Variants in INSC observed in about 807,000 individuals in gnomAD.
INSC encodes the protein INSC spindle orientation adaptor protein.
Under a neutral mutation model 58.6 loss-of-function variants are expected in INSC, and 67 were observed. That is an observed-to-expected ratio of 1.14 (90% CI 0.94 to 1.40). INSC has a LOEUF of 1.40. Ranked by LOEUF, INSC falls within the 40% of genes most tolerant of loss-of-function variation. INSC has a pLI of 0.00. For synonymous variants in INSC, 262 were observed against 276.1 expected (o/e 0.95, Z 0.51); for missense variants, 714 against 692.0 (o/e 1.03, Z -0.36).
chr11:15,225,638 T>C lies in INSC; in HGVS notation c.992-12T>C. On this transcript the variant is annotated splice_polypyrimidine_tract_variant and intron_variant, in intron 8 of 12. Transcript: ENST00000379556. ...TGGCACGGAAGTTATTTTCTTTCTCTTTGCCATCCAGAACTGTGCCAAGAG... is the reference window on the plus strand; with the variant it reads ...TGGCACGGAAGTTATTTTCTTTCTCCTTGCCATCCAGAACTGTGCCAAGAG... The C allele has an allele frequency of 6.2e-7, 1 of 1,606,962 alleles. No homozygotes were observed. The highest frequency in any genetic ancestry group is 8.5e-7 in the Non-Finnish European group (1 of 1,176,162).
At chr11:15,203,568 A>G (rs1005939747) in intron 7 of INSC, among the ~76,000 whole-genome samples, 3 of 152,238 alleles carry the variant, frequency 2.0e-5, no homozygotes, top group Admixed American at 6.5e-5. Flanking sequence ...ATGGATGAAA[A>G]TACTGACGTC....
chr11:15,122,873 T>C lies in INSC; in HGVS notation c.-46+7870T>C, dbSNP rs1258904712. On this transcript the variant is annotated intron_variant, in intron 1 of 12. Transcript: ENST00000379556. ...ATTTCAAAACACAACTCTGTTCATA[T>C]CATTTTCTTCCTTAAAAGTACATTA... Among the ~76,000 whole-genome samples the C allele has an allele frequency of 4.6e-5, 7 of 152,296 alleles. No individual in the cohort carries two copies. The East Asian group carries it at 9.6e-4, about 21-fold the overall frequency.
chr11:15,228,349 G>GGGTAGGGAGAGAATGTGGTTGC, intron 9 of INSC, among the ~76,000 whole-genome samples: 1 of 152,334 alleles, frequency 6.6e-6, no homozygotes, highest in Admixed American at 6.5e-5. Flanking sequence ...AAGGAGATCA[G>GGGTAGGGAGAGAATGTGGTTGC]GGTAGGGAGA....
chr11:15,240,525 T>C lies in INSC; in HGVS notation c.1470+2T>C. 6.2e-7 allele frequency: 1 copy of C among 1,612,408 alleles called. No homozygotes were observed. Among genetic ancestry groups the C allele is most frequent in the Non-Finnish European group, 8.5e-7 (1 of 1,179,202 alleles). The stretch of plus-strand genomic sequence containing the variant: ...GACGCCGTGCTTGTGGCCTGCCTGG[T>C]GAGTTCTCAGTCTTCCCCCAGCTTT... On this transcript the variant is annotated splice_donor_variant, in intron 12 of 12. Coordinates refer to ENST00000379556, the MANE Select transcript of INSC (RefSeq NM_001042536.3). LOFTEE classifies it high-confidence loss of function.
At chr11:15,258,828 C>A in the INSC span, among the ~76,000 whole-genome samples, 2 of 152,132 alleles carry the variant, frequency 1.3e-5, no homozygotes, top group Non-Finnish European at 2.9e-5. Flanking sequence ...TAGCATAATA[C>A]AACCATGACA....
chr11:15,243,925 G>A (rs1001442054), intron 12 of INSC, among the ~76,000 whole-genome samples: 3 of 141,714 alleles, frequency 2.1e-5, no homozygotes, highest in Non-Finnish European at 4.6e-5. Flanking sequence ...TTTTATACTT[G>A]GTCTTTTTTC....
At chr11:15,116,506 T>A (rs1264184352) in intron 1 of INSC, among the ~76,000 whole-genome samples, 1 of 152,182 alleles carries the variant, frequency 6.6e-6, no homozygotes, top group Non-Finnish European at 1.5e-5. Flanking sequence ...CTCCCCCTGG[T>A]GACCACTGGG....
intron 2 of INSC, among the ~76,000 whole-genome samples, chr11:15,169,206 T>A (rs1461853105): frequency 6.6e-6 from 1 of 151,596 alleles, no homozygotes; most frequent in East Asian, 2.0e-4. Flanking sequence ...GGGTTCCCGA[T>A]GTAGCTAGGC....
intron 7 of INSC, among the ~76,000 whole-genome samples, chr11:15,201,902 C>T (rs1178403221): frequency 6.6e-6 from 1 of 152,138 alleles, no homozygotes; most frequent in African/African-American, 2.4e-5. Flanking sequence ...GTCCTGGCAG[C>T]CCAAATAACT....
intron 5 of INSC, among the ~76,000 whole-genome samples, chr11:15,182,888 T>A (rs1406231824): frequency 1.3e-5 from 2 of 152,208 alleles, no homozygotes; most frequent in Non-Finnish European, 2.9e-5. Flanking sequence ...ATACTCTTCA[T>A]CCATCCCAAA....
the INSC span, among the ~76,000 whole-genome samples, chr11:15,262,655 AACACACACACAC>A: frequency 2.7e-5 from 4 of 146,780 alleles, no homozygotes; most frequent in East Asian, 2.1e-4. Flanking sequence ...CTGGGTGATA[AACACACACACAC>A]ACACACACAC....
chr11:15,177,534 T>TA (rs1438122156), intron 4 of INSC, among the ~76,000 whole-genome samples: 1 of 152,102 alleles, frequency 6.6e-6, no homozygotes, highest in Non-Finnish European at 1.5e-5. Flanking sequence ...CACATACACA[T>TA]AGACTTCAAT....
intron 1 of INSC, among the ~76,000 whole-genome samples, chr11:15,138,629 TG>T (rs1848300541): frequency 6.6e-6 from 1 of 152,234 alleles, no homozygotes; most frequent in Non-Finnish European, 1.5e-5. Flanking sequence ...ATCTGAAGTC[TG>T]GATAGGAAAT....
chr11:15,129,618 A>G (rs1161703768), intron 1 of INSC, among the ~76,000 whole-genome samples: 2 of 152,190 alleles, frequency 1.3e-5, no homozygotes, highest in Non-Finnish European at 2.9e-5. Flanking sequence ...GTTCATTTCT[A>G]TGGCCCTCAC....
intron 4 of INSC, 62 bp from the exon 5 acceptor site, chr11:15,178,262 A>G (rs1217171169): frequency 3.4e-5 from 54 of 1,600,654 alleles, no homozygotes; most frequent in Non-Finnish European, 4.1e-5. Context: ...TGGCCCGTGC[A>G]ACATTTCTGG....
At chr11:15,248,534 G>A (rs934855505), downstream of INSC, among the ~76,000 whole-genome samples, 9 of 152,176 alleles carry the variant, frequency 5.9e-5, no homozygotes, top group Non-Finnish European at 1.0e-4. Flanking sequence ...ATTTTATGGT[G>A]AGGAAACTGA....
rs376168190 is a variant in INSC at position 15,165,999 on chromosome 11, C to A, written c.57-9742C>A. On this transcript the variant is annotated intron_variant, in intron 2 of 12. Transcript: ENST00000379556. ...CTTTCTTATGTCTGTCTCTTCTGCT[C>A]GACTATGTAAGCTTCCTGGGGGCAG... 7.2e-5 allele frequency among the ~76,000 whole-genome samples: 11 copies of A among 152,172 alleles called. No homozygotes were observed. In the East Asian group the frequency reaches 7.7e-4, roughly 11 times the overall value.
At position 15,191,844 on chromosome 11, in the gene INSC, T is replaced by C. The variant is rs186295084; in HGVS notation, c.693+1030T>C. Among the ~76,000 whole-genome samples the C allele has an allele frequency of 4.6e-5, 7 of 152,316 alleles. No individual in the cohort carries two copies. In the East Asian group the frequency reaches 1.2e-3, roughly 25 times the overall value. On this transcript the variant is annotated intron_variant, in intron 6 of 12. Transcript: ENST00000379556. ...GAACCTCAGCATCTGCCTATGATCC[T>C]TGGAAAAGCAGGAGGAGAATCTGGG...
the INSC span, among the ~76,000 whole-genome samples, chr11:15,267,698 T>C: frequency 3.3e-5 from 5 of 152,108 alleles, no homozygotes; most frequent in African/African-American, 1.2e-4. Flanking sequence ...ATTTTAATAT[T>C]GTTCTATGCT....
Sources: allele counts gnomAD v4.1 joint callset (sites outside exome capture counted in the v4.1 genomes callset), GRCh38; gene constraint gnomAD v4.1.1; transcripts MANE v1.5; gene names NCBI Gene and HGNC (gene_info 2026-07-23, HGNC 2026-07-21).